Variants in TYW1B observed in about 807,000 individuals in gnomAD.
TYW1B encodes S-adenosyl-L-methionine-dependent tRNA 4-demethylwyosine synthase TYW1B.
A neutral mutation model predicts 86.9 loss-of-function variants in TYW1B; 73 were observed. The ratio of observed to expected loss-of-function variants is 0.84; its 90% confidence interval spans 0.70 to 1.02. The LOEUF (loss-of-function observed/expected upper bound fraction) is 1.02, where lower values mean the gene tolerates loss of function less well. TYW1B is among the 50% of genes least tolerant of loss of function. The pLI is 0.00. For missense variants in TYW1B, 637 were observed against 827.4 expected (o/e 0.77, Z 2.82); for synonymous variants, 248 against 292.8 (o/e 0.85, Z 1.56).
intron 10 of TYW1B, among the ~76,000 whole-genome samples, chr7:72,712,992 A>C (rs1399451984): frequency 6.6e-6 from 1 of 151,982 alleles, no homozygotes; most frequent in East Asian, 1.9e-4. Context: ...TCAAGTACCA[A>C]TCCCAGACAT....
At chr7:72,767,609 C>CA (rs1489049740) in intron 7 of TYW1B, among the ~76,000 whole-genome samples, 1 of 151,214 alleles carries the variant, frequency 6.6e-6, no homozygotes, top group African/African-American at 2.4e-5. Flanking sequence ...GACCCCGTCT[C>CA]AAAAAAATAA....
At position 72,807,075 on chromosome 7, in the gene TYW1B, T is replaced by C. The variant is rs782396624; in HGVS notation, c.714A>G (p.Arg238=). Residue 238 remains arginine, a synonymous_variant, in exon 5 of 14, where the codon AGA becomes AGG. Coordinates refer to ENST00000620995, the MANE Select transcript of TYW1B (RefSeq NM_001145440.3). The stretch of plus-strand genomic sequence containing the variant: ...CACACAGGCGGTATACCTTGGTGTC[T>C]CTGTGATGCAATTCGTCCTGCTCTT... ...GSQEQDELHH[R]DTKEEEPFES... The C allele has an allele frequency of 1.2e-6, 2 of 1,613,650 alleles. No individual in the cohort carries two copies. The highest frequency in any genetic ancestry group is 2.7e-5 in the African/African-American group (2 of 74,912).
chr7:72,738,629 A>T (rs1489170066), intron 8 of TYW1B, among the ~76,000 whole-genome samples: 2 of 152,176 alleles, frequency 1.3e-5, no homozygotes, highest in Non-Finnish European at 2.9e-5. Context: ...AGACATTGTC[A>T]AATGTTCCAA....
At chr7:72,780,524 C>T (rs567514591) in intron 6 of TYW1B, among the ~76,000 whole-genome samples, 10 of 152,270 alleles carry the variant, frequency 6.6e-5, no homozygotes, top group African/African-American at 1.9e-4. Context: ...GGCCTCTGAC[C>T]ACTATGCCCA....
chr7:72,676,389 TATG>T (rs1249878694), intron 11 of TYW1B, among the ~76,000 whole-genome samples: 3 of 152,218 alleles, frequency 2.0e-5, no homozygotes, highest in African/African-American at 7.2e-5. Context: ...TAAAAGAACT[TATG>T]ATAAGAATGT....
Position 72,607,358 on chromosome 7 carries a change from T to C in TYW1B, c.1785+9314A>G, listed in dbSNP as rs187018109. On this transcript the variant is annotated intron_variant, in intron 13 of 13. Coordinates refer to ENST00000620995, the MANE Select transcript of TYW1B (RefSeq NM_001145440.3). Reference sequence around the variant, plus strand: ...AGTGAGCCAAGATTGTGCCACTGGATTCCAGCCTGGATGACAGAGTGAGAT... The same window carrying C: ...AGTGAGCCAAGATTGTGCCACTGGACTCCAGCCTGGATGACAGAGTGAGAT... Among the ~76,000 whole-genome samples the C allele has an allele frequency of 3.9e-3, 563 of 145,308 alleles. 3 individuals carry two copies. The highest frequency in any genetic ancestry group is 6.6e-3 in the Non-Finnish European group (446 of 67,068).
intron 11 of TYW1B, among the ~76,000 whole-genome samples, chr7:72,676,019 T>C (rs1813728066): frequency 6.6e-6 from 1 of 152,134 alleles, no homozygotes; most frequent in Non-Finnish European, 1.5e-5. Context: ...TAACTTTAGG[T>C]AGCAGGACTA....
rs576294594 is a variant in TYW1B, at chr7:72,707,153, T to C, written c.1370+6468A>G. Reference sequence around the variant, plus strand: ...AGATCTGAGTGCCTTCTCATTGACTTGAAGCTCCGCTGTGTGACTTGCTTT... The same window carrying C: ...AGATCTGAGTGCCTTCTCATTGACTCGAAGCTCCGCTGTGTGACTTGCTTT... On this transcript the variant is annotated intron_variant, in intron 10 of 13. Transcript: ENST00000620995. Among the ~76,000 whole-genome samples, 3 of 152,334 alleles carry C rather than the reference T, an allele frequency of 2.0e-5. No homozygotes were observed. The South Asian group carries it at 6.2e-4, about 32-fold the overall frequency.
In TYW1B at chr7:72,749,467, G is replaced by T. The variant is rs550814420; in HGVS notation, c.965-4866C>A. 4.6e-5 allele frequency among the ~76,000 whole-genome samples: 7 copies of T among 152,158 alleles called. No individual in the cohort carries two copies. In the East Asian group the frequency reaches 1.4e-3, roughly 29 times the overall value. On this transcript the variant is annotated intron_variant, in intron 7 of 13. Transcript: ENST00000620995. Reference sequence around the variant, plus strand: ...CACCACCAAGCCCGGCTAATTTTTTGTATTTTTAGTAGAGACGGGGTTCAC... The same window carrying T: ...CACCACCAAGCCCGGCTAATTTTTTTTATTTTTAGTAGAGACGGGGTTCAC...
intron 13 of TYW1B, among the ~76,000 whole-genome samples, chr7:72,611,276 ATT>A (rs1264650201): frequency 6.6e-6 from 1 of 151,868 alleles, no homozygotes; most frequent in Non-Finnish European, 1.5e-5. Context: ...TTGTTGAGAT[ATT>A]TGTCTTTTTC....
rs140916732 is a variant in TYW1B at position 72,579,673 on chromosome 7, T to G, written c.1786-3954A>C. ...CTTCTTCTTCCTTTTTTTTAAGAGATAGGTTCTCACTCTGTCACCCAGGCT... is the reference window on the plus strand; with the variant it reads ...CTTCTTCTTCCTTTTTTTTAAGAGAGAGGTTCTCACTCTGTCACCCAGGCT... On this transcript the variant is annotated intron_variant, in intron 13 of 13. Coordinates refer to ENST00000620995, the MANE Select transcript of TYW1B (RefSeq NM_001145440.3). 8.6e-4 allele frequency among the ~76,000 whole-genome samples: 131 copies of G among 152,214 alleles called. 2 individuals are homozygous for G. In the East Asian group the frequency reaches 0.021, roughly 24 times the overall value.
At position 72,700,456 on chromosome 7, in the gene TYW1B, A is replaced by C. The variant is rs530107985; in HGVS notation, c.1371-5634T>G. On this transcript the variant is annotated intron_variant, in intron 10 of 13. Coordinates refer to ENST00000620995, the MANE Select transcript of TYW1B (RefSeq NM_001145440.3). Reference sequence around the variant, plus strand: ...CCAAAGTGCTGGGATTACGGGTGTAAGCCACCACGCCTGGACCTTTCTTTG... The same window carrying C: ...CCAAAGTGCTGGGATTACGGGTGTACGCCACCACGCCTGGACCTTTCTTTG... 1.0e-3 allele frequency among the ~76,000 whole-genome samples: 158 copies of C among 152,212 alleles called. 1 individual carries two copies. Among genetic ancestry groups the C allele is most frequent in the African/African-American group, 3.6e-3 (151 of 41,540 alleles).
chr7:72,800,253 C>G (rs1270059516), intron 6 of TYW1B, among the ~76,000 whole-genome samples: 1 of 151,588 alleles, frequency 6.6e-6, no homozygotes, highest in Admixed American at 6.6e-5. Flanking sequence ...GCCGGGGTGC[C>G]GTGACATGAT....
intron 11 of TYW1B, among the ~76,000 whole-genome samples, chr7:72,645,082 C>T (rs1247618342): frequency 3.3e-5 from 5 of 152,278 alleles, no homozygotes; most frequent in South Asian, 2.1e-4. Context: ...CCACCTCGGC[C>T]TCCCAAAGAG....
At chr7:72,764,785 T>C (rs2129571763) in intron 7 of TYW1B, among the ~76,000 whole-genome samples, 1 of 152,320 alleles carries the variant, frequency 6.6e-6, no homozygotes. Context: ...TCAAATTAAG[T>C]AATTGATGAT....
At position 72,694,768 on chromosome 7, in the gene TYW1B, G is replaced by A. The variant is rs1554451126; in HGVS notation, c.1425C>T (p.Asp475=). ...LYVSVDASTK[D]SLKKIDRPLF... ...GTGGGCGGTCGATTTTCTTCAGGCTGTCTTTGGTACTGGCATCCACACTGA... is the reference window on the plus strand; with the variant it reads ...GTGGGCGGTCGATTTTCTTCAGGCTATCTTTGGTACTGGCATCCACACTGA... The change falls in exon 11 of 14, where the codon GAC becomes GAT. Residue 475 remains aspartate (D), a synonymous_variant. Coordinates refer to ENST00000620995, the MANE Select transcript of TYW1B (RefSeq NM_001145440.3). The A allele has an allele frequency of 6.2e-7, 1 of 1,613,826 alleles. No homozygotes were observed. Among genetic ancestry groups the A allele is most frequent in the Non-Finnish European group, 8.5e-7 (1 of 1,179,950 alleles).
At chr7:72,584,222 T>A (rs546501043) in intron 13 of TYW1B, among the ~76,000 whole-genome samples, 3 of 152,250 alleles carry the variant, frequency 2.0e-5, no homozygotes, top group East Asian at 3.9e-4. Context: ...TGTTTTAATG[T>A]TTTGTAGAGA....
intron 11 of TYW1B, among the ~76,000 whole-genome samples, chr7:72,648,030 T>C (rs1280015878): frequency 1.3e-5 from 2 of 152,052 alleles, no homozygotes; most frequent in African/African-American, 2.4e-5. Context: ...TTTTAAAAGC[T>C]GAAAACAAAC....
At chr7:72,795,559 AG>A (rs1354247716) in intron 6 of TYW1B, among the ~76,000 whole-genome samples, 1 of 152,172 alleles carries the variant, frequency 6.6e-6, no homozygotes, top group East Asian at 1.9e-4. Flanking sequence ...TCTTATCAGC[AG>A]GAACATGGGT....
Sources: allele counts gnomAD v4.1 joint callset (sites outside exome capture counted in the v4.1 genomes callset), GRCh38; gene constraint gnomAD v4.1.1; transcripts MANE v1.5; gene names NCBI Gene and HGNC (gene_info 2026-07-23, HGNC 2026-07-21).